The following SUPT3H variants were observed in gnomAD, a reference collection of about 807,000 sequenced individuals.
SUPT3H encodes the protein transcription initiation protein SPT3 homolog.
A neutral mutation model predicts 44.3 loss-of-function variants in SUPT3H; 44 were observed. That is an observed-to-expected ratio of 0.99 (90% CI 0.78 to 1.28). The LOEUF is 1.28. Ranked by LOEUF, SUPT3H falls within the 50% of genes most tolerant of loss-of-function variation. The pLI is 0.00. For missense variants in SUPT3H, 380 were observed against 387.1 expected (o/e 0.98, Z 0.15); for synonymous variants, 124 against 125.6 (o/e 0.99, Z 0.09).
chr6:45,016,657 T>C (rs1214393399), intron 4 of SUPT3H, among the ~76,000 whole-genome samples: 1 of 151,990 alleles, frequency 6.6e-6, no homozygotes, highest in Non-Finnish European at 1.5e-5. Context: ...TCCATGTCCC[T>C]ACAAAGGACA....
At chr6:45,030,875 T>C (rs1219029533) in intron 3 of SUPT3H, among the ~76,000 whole-genome samples, 3 of 152,204 alleles carry the variant, frequency 2.0e-5, no homozygotes, top group Admixed American at 2.0e-4. Flanking sequence ...ACCTGATCCA[T>C]GCAGAGGGCA....
chr6:45,029,284 C>G (rs1362487705), intron 3 of SUPT3H, among the ~76,000 whole-genome samples: 4 of 151,090 alleles, frequency 2.6e-5, no homozygotes, highest in Admixed American at 2.6e-4. Context: ...ACCAGGATCT[C>G]ATGGCTCAAA....
intron 2 of SUPT3H, among the ~76,000 whole-genome samples, chr6:45,266,611 C>T (rs552768956): frequency 6.6e-6 from 1 of 152,020 alleles, no homozygotes; most frequent in South Asian, 2.1e-4. Context: ...CATTTGATGA[C>T]ATCTATATCC....
intron 3 of SUPT3H, among the ~76,000 whole-genome samples, chr6:45,050,814 G>A (rs1373243638): frequency 1.3e-5 from 2 of 150,680 alleles, no homozygotes; most frequent in Non-Finnish European, 3.0e-5. Flanking sequence ...CTAGTAAAGA[G>A]TAGAAATGTA....
rs544831174 is a variant in SUPT3H, at chr6:45,164,623, G to A, written c.102-58617C>T. On this transcript the variant is annotated intron_variant, in intron 2 of 10. Coordinates refer to ENST00000371459, the MANE Select transcript of SUPT3H (RefSeq NM_003599.4). ...TGTTTTTTGCTTGGCCTAAGCCTCA[G>A]TACTTCTCAAAGTTTCCACAAAAGT... 3.3e-5 allele frequency among the ~76,000 whole-genome samples: 5 copies of A among 152,188 alleles called. No homozygotes were observed. The South Asian group carries it at 1.0e-3, about 32-fold the overall frequency.
chr6:45,015,675 T>G (rs1376066291), intron 4 of SUPT3H, among the ~76,000 whole-genome samples: 2 of 152,036 alleles, frequency 1.3e-5, no homozygotes, highest in South Asian at 2.1e-4. Context: ...CACAAACACC[T>G]TACACAATTG....
rs556029934 is a variant in SUPT3H, at chr6:45,297,315, C to T, written c.101+67886G>A. ...CAACTGTATTCAGAGTTATCCTATA[C>T]AAAGTCCCTTAAGTTTTTAATAAAG... On this transcript the variant is annotated intron_variant, in intron 2 of 10. Coordinates refer to ENST00000371459, the MANE Select transcript of SUPT3H (RefSeq NM_003599.4). 2.6e-5 allele frequency among the ~76,000 whole-genome samples: 4 copies of T among 152,232 alleles called. No individual in the cohort carries two copies. The East Asian group carries it at 5.8e-4, about 22-fold the overall frequency.
intron 10 of SUPT3H, among the ~76,000 whole-genome samples, chr6:44,832,548 A>G (rs1007263187): frequency 1.3e-5 from 2 of 152,186 alleles, no homozygotes; most frequent in South Asian, 2.1e-4. Flanking sequence ...TTCTGGTTTA[A>G]TAAAGCTCTG....
chr6:44,938,108 T>A (rs747442661), intron 9 of SUPT3H, among the ~76,000 whole-genome samples: 13 of 151,882 alleles, frequency 8.6e-5, no homozygotes, highest in East Asian at 1.9e-4. Flanking sequence ...TTTTTTTTTT[T>A]ACCTGTGCTT....
chr6:44,881,659 G>C (rs570139903), intron 10 of SUPT3H, among the ~76,000 whole-genome samples: 1 of 152,164 alleles, frequency 6.6e-6, no homozygotes, highest in Admixed American at 6.5e-5. Flanking sequence ...CTCAGCAAAT[G>C]CAAGAGAACG....
intron 2 of SUPT3H, among the ~76,000 whole-genome samples, chr6:45,155,419 T>C (rs865929702): frequency 6.6e-6 from 1 of 152,144 alleles, no homozygotes; most frequent in Non-Finnish European, 1.5e-5. Flanking sequence ...AAGGGGCTGA[T>C]GTGGGCAGCA....
chr6:45,120,579 T>C (rs570851672), intron 2 of SUPT3H, among the ~76,000 whole-genome samples: 1 of 152,176 alleles, frequency 6.6e-6, no homozygotes, highest in African/African-American at 2.4e-5. Flanking sequence ...CCACAATAGT[T>C]GAATTCAGAA....
chr6:45,103,696 T>C (rs1798899825), intron 3 of SUPT3H, among the ~76,000 whole-genome samples: 1 of 152,072 alleles, frequency 6.6e-6, no homozygotes, highest in Admixed American at 6.5e-5. Flanking sequence ...TGTGAAACAA[T>C]GTCAAATGGT....
chr6:44,858,602 G>T (rs1774110414), intron 10 of SUPT3H, among the ~76,000 whole-genome samples: 1 of 152,100 alleles, frequency 6.6e-6, no homozygotes, highest in Non-Finnish European at 1.5e-5. Context: ...AAAACTGTTG[G>T]CATTCAATTG....
intron 10 of SUPT3H, among the ~76,000 whole-genome samples, chr6:44,929,367 G>T (rs1770167399): frequency 6.6e-6 from 1 of 151,772 alleles, no homozygotes; most frequent in Admixed American, 6.6e-5. Flanking sequence ...TCAAATTATT[G>T]GTAAATGGAT....
At chr6:45,375,340 G>A (rs1367520387) in intron 1 of SUPT3H, among the ~76,000 whole-genome samples, 1 of 152,188 alleles carries the variant, frequency 6.6e-6, no homozygotes, top group East Asian at 1.9e-4. Context: ...ATAGTGAAAG[G>A]GGTTCTATTA....
intron 2 of SUPT3H, among the ~76,000 whole-genome samples, chr6:45,217,936 T>G (rs1311987289): frequency 6.6e-6 from 1 of 150,402 alleles, no homozygotes; most frequent in Non-Finnish European, 1.5e-5. Context: ...TGAAGCAAGG[T>G]GGAATCTGAA....
At chr6:45,173,014 G>A (rs948092079) in intron 2 of SUPT3H, among the ~76,000 whole-genome samples, 3 of 152,140 alleles carry the variant, frequency 2.0e-5, no homozygotes, top group African/African-American at 7.2e-5. Flanking sequence ...CATATGTGAT[G>A]AAATAAAGAC....
chr6:45,022,158 C>A (rs1461365438), intron 3 of SUPT3H, among the ~76,000 whole-genome samples: 1 of 151,944 alleles, frequency 6.6e-6, no homozygotes, highest in East Asian at 1.9e-4. Flanking sequence ...AATTTATTTT[C>A]TTAAATGAAG....
Sources: gnomAD v4.1 joint callset for allele counts (sites outside exome capture counted in the v4.1 genomes callset) on GRCh38, gnomAD v4.1.1 for gene constraint, MANE v1.5 for transcripts, NCBI Gene and HGNC (gene_info 2026-07-23, HGNC 2026-07-21) for gene names.